Variants in DNA2 observed in about 807,000 individuals in gnomAD.
The protein encoded by DNA2 is DNA replication ATP-dependent helicase/nuclease DNA2.
Under a neutral mutation model 119.1 loss-of-function variants are expected in DNA2, and 101 were observed. The ratio of observed to expected loss-of-function variants is 0.85; its 90% CI spans 0.72 to 1.00. DNA2 has a LOEUF of 1.00. Among genes scored for constraint, DNA2 ranks in the 50% least tolerant of loss-of-function variants. DNA2 has a pLI of 0.00. For synonymous variants in DNA2, 366 were observed against 424.4 expected (o/e 0.86, Z 1.69); for missense variants, 1,121 against 1,255.5 (o/e 0.89, Z 1.62).
In DNA2 at chr10:68,419,948, G is replaced by C. The variant is rs557711161; in HGVS notation, c.2698-56C>G. The C allele has an allele frequency of 9.8e-6, 14 of 1,426,224 alleles. No individual in the cohort carries two copies. In the African/African-American group the frequency reaches 2.0e-4, roughly 20 times the overall value. 88.3% of individuals were successfully genotyped at this position (1,426,224 alleles called of 1,614,324 possible). Reference sequence around the variant, plus strand: ...ATACAATCTCTAAAGAGTACTATAAGTACGCAACTGGCCATAAAGACTATA... The same window carrying C: ...ATACAATCTCTAAAGAGTACTATAACTACGCAACTGGCCATAAAGACTATA... On this transcript the variant is annotated intron_variant, in intron 17 of 20. Coordinates refer to ENST00000358410, the MANE Select transcript of DNA2 (RefSeq NM_001080449.3).
intron 19 of DNA2, among the ~76,000 whole-genome samples, chr10:68,417,764 A>T (rs561972172): frequency 6.6e-5 from 10 of 152,306 alleles, no homozygotes; most frequent in African/African-American, 2.4e-4. Context: ...GGAAGCAACC[A>T]TTCCATCTGA....
At chr10:68,415,924 A>G (rs1292210377) in intron 20 of DNA2, among the ~76,000 whole-genome samples, 1 of 152,192 alleles carries the variant, frequency 6.6e-6, no homozygotes, top group Non-Finnish European at 1.5e-5. Context: ...TGCTAGGATT[A>G]CAGGTGTGAG....
intron 8 of DNA2, among the ~76,000 whole-genome samples, chr10:68,444,367 G>A (rs925433281): frequency 2.6e-5 from 4 of 151,626 alleles, no homozygotes; most frequent in Non-Finnish European, 1.5e-5. Flanking sequence ...TCCAGCCCTA[G>A]TGACAGAGTG....
At position 68,453,143 on chromosome 10, in the gene DNA2, C is replaced by T. The variant is rs7897380; in HGVS notation, c.720-2896G>A. On this transcript the variant is annotated intron_variant, in intron 5 of 20. Coordinates refer to ENST00000358410, the MANE Select transcript of DNA2 (RefSeq NM_001080449.3). Reference sequence around the variant, plus strand: ...CTCTAACTCCTGACCTCAGGTGATCCATCCATCTCAGCCTCCCAAAGTGCT... The same window carrying T: ...CTCTAACTCCTGACCTCAGGTGATCTATCCATCTCAGCCTCCCAAAGTGCT... Among the ~76,000 whole-genome samples the T allele has an allele frequency of 7.4e-3, 1,132 of 152,110 alleles. 13 individuals are homozygous for T. Among genetic ancestry groups the T allele is most frequent in the African/African-American group, 0.025 (1,054 of 41,490 alleles).
At chr10:68,468,070 G>A in intron 3 of DNA2, 53 bp downstream of exon 3, 2 of 1,280,842 alleles carry the variant, frequency 1.6e-6, no homozygotes, top group Non-Finnish European at 2.1e-6. Flanking sequence ...ATGTAAAAGT[G>A]CTCTGTAAAA....
At chr10:68,455,424 T>G (rs2052170022) in intron 5 of DNA2, among the ~76,000 whole-genome samples, 1 of 152,196 alleles carries the variant, frequency 6.6e-6, no homozygotes, top group Non-Finnish European at 1.5e-5. Flanking sequence ...ATAAATTTAT[T>G]TTTAAAACAC....
chr10:68,460,399 G>A (rs192696763), intron 4 of DNA2, among the ~76,000 whole-genome samples: 12 of 151,404 alleles, frequency 7.9e-5, no homozygotes, highest in African/African-American at 2.7e-4. Context: ...ATGAGCCACC[G>A]CACCTGACCT....
intron 1 of DNA2, among the ~76,000 whole-genome samples, chr10:68,471,539 G>A (rs1389962456): frequency 6.6e-6 from 1 of 152,126 alleles, no homozygotes; most frequent in Admixed American, 6.5e-5. Flanking sequence ...CCTCAACTTA[G>A]GGAGAGAGGT....
At chr10:68,438,221 A>G (rs1025382407) in intron 9 of DNA2, among the ~76,000 whole-genome samples, 6 of 152,156 alleles carry the variant, frequency 3.9e-5, no homozygotes, top group Non-Finnish European at 8.8e-5. Flanking sequence ...TCCCAAATGC[A>G]ATATAAAAAA....
Position 68,417,652 on chromosome 10 carries a change from C to CAA in DNA2, c.2968-799_2968-798dup, listed in dbSNP as rs575627007. ...TGGGTAACAGAGCCAGATCTCATCT[C>CAA]AAAAAAAAAAAAAAAAAATCAAATC... On this transcript the variant is annotated intron_variant, in intron 19 of 20. Transcript: ENST00000358410. 2.6e-3 allele frequency among the ~76,000 whole-genome samples: 295 copies of CAA among 113,364 alleles called. 1 individual carries two copies. Among genetic ancestry groups the CAA allele is most frequent in the East Asian group, 8.4e-3 (36 of 4,268 alleles). 74.4% of individuals were successfully genotyped at this position (113,364 alleles called of 152,430 possible). A position where few individuals can be genotyped will look rare whatever the true frequency, so the allele number is the denominator to read the frequency against.
rs2052347549 is a variant in DNA2, at chr10:68,468,122, C to T, written c.441+1G>A. The T allele has an allele frequency of 3.8e-6, 6 of 1,562,178 alleles. No homozygotes were observed. The highest frequency in any genetic ancestry group is 1.4e-5 in the African/African-American group (1 of 73,540). On this transcript the variant is annotated splice_donor_variant, in intron 3 of 20. Transcript: ENST00000358410. LOFTEE classifies it high-confidence loss of function. ...AAACATTAACTGTTACTATTATTTA[C>T]CCTAAAAGTTTCACTCAGGACAGCT...
At position 68,431,439 on chromosome 10, in the gene DNA2, T is replaced by G. The variant is rs150294857; in HGVS notation, c.1983+423A>C. ...AGCTAGGATTATAGGCGCATGCCAC[T>G]ACGCCCGGCTAATTTTTGTATTTTT... On this transcript the variant is annotated intron_variant, in intron 13 of 20. Transcript: ENST00000358410. Among the ~76,000 whole-genome samples, 715 of 152,030 alleles carry G rather than the reference T, an allele frequency of 4.7e-3. 12 individuals are homozygous for G. The highest frequency in any genetic ancestry group is 0.016 in the African/African-American group (682 of 41,482).
In DNA2 at chr10:68,424,609, G is replaced by A. The variant is rs2051711920; in HGVS notation, c.2209-1719C>T. Reference sequence around the variant, plus strand: ...TTGGACCGCAGCAAAAACCGCAAACGTCACTTCCATGCCCCCTTGCACGTG... The same window carrying A: ...TTGGACCGCAGCAAAAACCGCAAACATCACTTCCATGCCCCCTTGCACGTG... On this transcript the variant is annotated intron_variant, in intron 14 of 20. Coordinates refer to ENST00000358410, the MANE Select transcript of DNA2 (RefSeq NM_001080449.3). The A allele has an allele frequency of 4.9e-6, 7 of 1,425,458 alleles. No homozygotes were observed. In the Admixed American group the frequency reaches 5.0e-5, roughly 10 times the overall value. 88.3% of individuals were successfully genotyped at this position (1,425,458 alleles called of 1,614,324 possible).
chr10:68,426,105 C>T (rs949946045), intron 14 of DNA2, among the ~76,000 whole-genome samples: 19 of 152,040 alleles, frequency 1.2e-4, no homozygotes, highest in African/African-American at 4.6e-4. Flanking sequence ...CATTGCACTC[C>T]AGCCTAGGTG....
At chr10:68,452,756 T>C (rs2052136308) in intron 5 of DNA2, among the ~76,000 whole-genome samples, 1 of 146,606 alleles carries the variant, frequency 6.8e-6, no homozygotes, top group Non-Finnish European at 1.5e-5. Flanking sequence ...TTTTTTTTTT[T>C]TTTTTTTTGT....
rs753324337 is a variant in DNA2, at chr10:68,430,418, T to A, written c.2208+18A>T. 6.6e-7 allele frequency: 1 copy of A among 1,518,436 alleles called. No individual in the cohort carries two copies. The highest frequency in any genetic ancestry group is 9.0e-7 in the Non-Finnish European group (1 of 1,108,706). 94.1% of individuals were successfully genotyped at this position (1,518,436 alleles called of 1,614,324 possible). Reference sequence around the variant, plus strand: ...TGGACATTAACTGTTAGTATTATTATACAATAATTGTGCTTACTTGACTAT... The same window carrying A: ...TGGACATTAACTGTTAGTATTATTAAACAATAATTGTGCTTACTTGACTAT... On this transcript the variant is annotated intron_variant, in intron 14 of 20. Coordinates refer to ENST00000358410, the MANE Select transcript of DNA2 (RefSeq NM_001080449.3).
At chr10:68,441,680 CAGG>C (rs1224524692) in intron 9 of DNA2, among the ~76,000 whole-genome samples, 1 of 151,964 alleles carries the variant, frequency 6.6e-6, no homozygotes, top group Non-Finnish European at 1.5e-5. Flanking sequence ...AAGGCCGAGG[CAGG>C]AGAATAGCTT....
At chr10:68,458,533 CA>C (rs910736956) in intron 5 of DNA2, among the ~76,000 whole-genome samples, 7 of 137,396 alleles carry the variant, frequency 5.1e-5, no homozygotes, top group Non-Finnish European at 1.1e-4. Flanking sequence ...GACTCTGTAT[CA>C]AAAAAGAAAA....
chr10:68,451,134 C>CATCTATGA (rs1430230374), intron 5 of DNA2, among the ~76,000 whole-genome samples: 1 of 150,040 alleles, frequency 6.7e-6, no homozygotes, highest in Admixed American at 6.7e-5. Flanking sequence ...CTATCTCCAT[C>CATCTATGA]ATCTATGAAG....
Sources: gnomAD v4.1 joint callset for allele counts (sites outside exome capture counted in the v4.1 genomes callset) on GRCh38, gnomAD v4.1.1 for gene constraint, MANE v1.5 for transcripts, NCBI Gene and HGNC (gene_info 2026-07-23, HGNC 2026-07-21) for gene names.